The following SLCO1A2 variants were observed in gnomAD, a reference collection of about 807,000 sequenced individuals.
SLCO1A2 encodes OATP-1.
SLCO1A2 carries 67 observed loss-of-function variants against 69.0 expected under a neutral mutation model. The ratio of observed to expected loss-of-function variants is 0.97; its 90% CI spans 0.80 to 1.19. The LOEUF (loss-of-function observed/expected upper bound fraction) is 1.19. Ranked by LOEUF, SLCO1A2 falls within the 50% of genes most tolerant of loss-of-function variation. The pLI is 0.00. For synonymous variants in SLCO1A2, 260 were observed against 265.9 expected (o/e 0.98, Z 0.22); for missense variants, 787 against 793.7 (o/e 0.99, Z 0.10).
chr12:21,310,838 C>T (rs61927777), intron 4 of SLCO1A2, among the ~76,000 whole-genome samples: 14,626 of 152,160 alleles, frequency 0.096, 942 homozygotes, highest in Non-Finnish European at 0.15. Context: ...CTCCTGACCT[C>T]GTGATCCGCC....
chr12:21,348,376 C>T lies in SLCO1A2; in HGVS notation c.-62-13667G>A, dbSNP rs189099558. 5.4e-3 allele frequency among the ~76,000 whole-genome samples: 820 copies of T among 152,286 alleles called. 4 individuals are homozygous for T. Among genetic ancestry groups the T allele is most frequent in the Non-Finnish European group, 8.2e-3 (558 of 68,008 alleles). On this transcript the variant is annotated intron_variant, in intron 2 of 15. Coordinates refer to the SLCO1A2 transcript ENST00000307378. ...TTTTTGTAACCATTAACCATCCTCA[C>T]CTCTCCCTCACAGCCCCCCATGACA...
chr12:21,375,045 T>G (rs189204856), intron 1 of SLCO1A2, among the ~76,000 whole-genome samples: 2 of 152,164 alleles, frequency 1.3e-5, no homozygotes, highest in Non-Finnish European at 1.5e-5. Flanking sequence ...GTCAAACTCC[T>G]GGGCTCAAGC....
upstream of SLCO1A2, among the ~76,000 whole-genome samples, chr12:21,338,641 G>A (rs1322914730): frequency 1.3e-5 from 2 of 151,848 alleles, no homozygotes; most frequent in Non-Finnish European, 2.9e-5. Flanking sequence ...TCTGATTTTA[G>A]TTTGGCAGCA....
At position 21,274,727 on chromosome 12, in the gene SLCO1A2, G is replaced by C. The variant is rs954288433; in HGVS notation, c.1676-141C>G. 3.0e-5 allele frequency: 22 copies of C among 729,558 alleles called. No individual in the cohort carries two copies. The African/African-American group carries it at 3.4e-4, about 11-fold the overall frequency. 45.2% of individuals were successfully genotyped at this position (729,558 alleles called of 1,614,324 possible). A position where few individuals can be genotyped will look rare whatever the true frequency, so the allele number is the denominator to read the frequency against. On this transcript the variant is annotated intron_variant, in intron 13 of 14. Coordinates refer to ENST00000683939, the MANE Select transcript of SLCO1A2 (RefSeq NM_001386879.1). ...TGGTCTAAATTTTATTTTTAGAAAT[G>C]ATGAGTTACTTTTACTGTAAAGTTT...
At chr12:21,397,538 A>G (rs1269888571), upstream of SLCO1A2, among the ~76,000 whole-genome samples, 4 of 152,196 alleles carry the variant, frequency 2.6e-5, no homozygotes, top group African/African-American at 7.2e-5. Context: ...AGACATCTAC[A>G]GAACCCTCCA....
upstream of SLCO1A2, chr12:21,419,371 G>A (rs541757162): frequency 4.4e-4 from 67 of 153,638 alleles, no homozygotes; most frequent in Admixed American, 9.8e-4. Flanking sequence ...TGCACCGTGC[G>A]CGAGCCGAAG....
intron 2 of SLCO1A2, among the ~76,000 whole-genome samples, chr12:21,319,823 A>T (rs1951380331): frequency 6.6e-6 from 1 of 152,140 alleles, no homozygotes; most frequent in Non-Finnish European, 1.5e-5. Flanking sequence ...CACAGATAGA[A>T]CCACTGTGAT....
At chr12:21,398,508 C>T (rs1356380808), upstream of SLCO1A2, among the ~76,000 whole-genome samples, 1 of 150,960 alleles carries the variant, frequency 6.6e-6, no homozygotes, top group African/African-American at 2.4e-5. Flanking sequence ...AGACGGAATC[C>T]TCCCTAACTC....
intron 5 of SLCO1A2, 74 bp from the exon 6 acceptor site, chr12:21,304,647 T>C: frequency 7.3e-7 from 1 of 1,373,930 alleles, no homozygotes; most frequent in South Asian, 1.4e-5. Context: ...CTATGTTTTC[T>C]GTAGGCATTT....
chr12:21,324,912 T>A (rs1222773277), intron 2 of SLCO1A2, among the ~76,000 whole-genome samples: 1 of 152,194 alleles, frequency 6.6e-6, no homozygotes, highest in East Asian at 1.9e-4. Context: ...GGTAGCAAGA[T>A]CCTATGCAAA....
Position 21,297,415 on chromosome 12 carries a change from A to T in SLCO1A2, c.1064T>A (p.Ile355Asn), listed in dbSNP as rs754140854. 2 of 1,610,768 alleles carry T rather than the reference A, an allele frequency of 1.2e-6. No individual in the cohort carries two copies. The highest frequency in any genetic ancestry group is 2.2e-5 in the South Asian group (2 of 90,590). ...QQYGISSSDA[I>N]FLMGIYNLPP... ...AAAAACAAACATACCCATTAGAAAG[A>T]TTGCATCTGAAGATGATATTCCATA... Residue 355 changes from isoleucine (I) to asparagine (N), a missense_variant, in exon 9 of 15, where the codon ATC (isoleucine) becomes AAC (asparagine). Physicochemically the swap from Ile to Asn is moderately radical, Grantham distance 149. Transcript: ENST00000683939.
chr12:21,274,866 C>CAGTT lies in SLCO1A2; in HGVS notation c.1676-284_1676-281dup, dbSNP rs3830206. 213 of 998,774 alleles carry CAGTT rather than the reference C, an allele frequency of 2.1e-4. 1 individual carries two copies. The East Asian group carries it at 8.7e-3, about 41-fold the overall frequency. The allele number at this position is 998,774 out of a possible 1,614,324, so 61.9% of individuals were successfully genotyped here. On this transcript the variant is annotated intron_variant, in intron 13 of 14. Coordinates refer to ENST00000683939, the MANE Select transcript of SLCO1A2 (RefSeq NM_001386879.1). ...ATATATTTTCTTAAATGTTTTGGGC[C>CAGTT]AGTTATATGTACATTTTATTTGGGC...
intron 1 of SLCO1A2, among the ~76,000 whole-genome samples, chr12:21,405,789 T>A (rs1199742014): frequency 6.6e-6 from 1 of 152,180 alleles, no homozygotes; most frequent in Non-Finnish European, 1.5e-5. Flanking sequence ...AGTGGATTGA[T>A]ATTTTAAAGG....
chr12:21,274,310 T>C, intron 14 of SLCO1A2, 159 bp downstream of exon 14: 1 of 526,562 alleles, frequency 1.9e-6, no homozygotes, highest in South Asian at 3.1e-5. Flanking sequence ...ACAATTCTAG[T>C]ATGCAAATAA....
intron 12 of SLCO1A2, among the ~76,000 whole-genome samples, chr12:21,277,061 G>A (rs1943991761): frequency 6.6e-6 from 1 of 152,152 alleles, no homozygotes; most frequent in African/African-American, 2.4e-5. Flanking sequence ...CACCAGCCAG[G>A]GAAGCTAAGG....
intron 4 of SLCO1A2, among the ~76,000 whole-genome samples, chr12:21,307,307 CA>C: frequency 6.6e-6 from 1 of 152,214 alleles, no homozygotes; most frequent in Middle Eastern, 3.4e-3. Flanking sequence ...ATAAGGAACA[CA>C]AACTTTAAAA....
intron 2 of SLCO1A2, among the ~76,000 whole-genome samples, chr12:21,328,667 C>G (rs567187268): frequency 6.6e-6 from 1 of 152,152 alleles, no homozygotes; most frequent in Admixed American, 6.6e-5. Context: ...GGCCTTCCCT[C>G]TTTCTGTGCT....
chr12:21,318,039 T>C (rs998323296), intron 3 of SLCO1A2, among the ~76,000 whole-genome samples: 11 of 152,042 alleles, frequency 7.2e-5, no homozygotes, highest in Non-Finnish European at 1.5e-4. Flanking sequence ...CCAGACCAAA[T>C]AGCAGAAAAA....
rs938699495 is a variant in SLCO1A2 at position 21,415,630 on chromosome 12, T to C, written c.-312+2252A>G. 7.1e-4 allele frequency among the ~76,000 whole-genome samples: 108 copies of C among 152,208 alleles called. 1 individual carries two copies. The highest frequency in any genetic ancestry group is 2.6e-3 in the African/African-American group (106 of 41,562). ...TTATTGTGGACCCCAGTGTTGCAAT[T>C]GAGGAACCTGAGATTGATATTTTCT... On this transcript the variant is annotated intron_variant, in intron 1 of 4. Coordinates refer to the SLCO1A2 transcript ENST00000413682.
Sources: allele counts gnomAD v4.1 joint callset (sites outside exome capture counted in the v4.1 genomes callset), GRCh38; gene constraint gnomAD v4.1.1; transcripts MANE v1.5; gene names NCBI Gene and HGNC (gene_info 2026-07-23, HGNC 2026-07-21).